Variants in WNT16 observed in about 807,000 individuals in gnomAD.
The protein encoded by WNT16 is protein Wnt-16.
Under a neutral mutation model 35.4 loss-of-function variants are expected in WNT16, and 20 were observed. That is an observed-to-expected ratio of 0.56 (90% confidence interval 0.40 to 0.82). WNT16 has a LOEUF of 0.82. Among genes scored for constraint, WNT16 ranks in the 40% least tolerant of loss-of-function variants. The pLI, the probability that WNT16 is intolerant of heterozygous loss-of-function variation, is 0.00. For missense variants in WNT16, 461 were observed against 466.0 expected (o/e 0.99, Z 0.10); for synonymous variants, 180 against 179.2 (o/e 1.00, Z -0.03).
rs553715876 is a variant in WNT16, at chr7:121,339,856, T to C, written c.*511T>C. ...ACTGTTTGTGTGTGGATAGAAGATG[T>C]TGAAAAGTTAACATAAGCATTGGGT... On this transcript the variant is annotated 3_prime_UTR_variant, in exon 4 of 4. Coordinates refer to ENST00000222462, the MANE Select transcript of WNT16 (RefSeq NM_057168.2). 14 of 171,256 alleles carry C rather than the reference T, an allele frequency of 8.2e-5. No individual in the cohort carries two copies. The East Asian group carries it at 2.2e-3, about 27-fold the overall frequency. The allele number at this position is 171,256 out of a possible 1,614,324, so 10.6% of individuals were successfully genotyped here. A position where few individuals can be genotyped will look rare whatever the true frequency, so the allele number is the denominator to read the frequency against.
chr7:121,338,253 C>G (rs1793470780), intron 3 of WNT16, among the ~76,000 whole-genome samples: 2 of 152,322 alleles, frequency 1.3e-5, no homozygotes, highest in East Asian at 3.9e-4. Context: ...ACCCCACCCC[C>G]TGCCCGACCA....
At chr7:121,328,496 T>TCACC (rs762780947), upstream of WNT16, among the ~76,000 whole-genome samples, 8 of 152,168 alleles carry the variant, frequency 5.3e-5, no homozygotes, top group South Asian at 2.1e-4. Flanking sequence ...TGACAGCACT[T>TCACC]CACCCACTCT....
chr7:121,329,540 AACGCT>A (rs1793302949), intron 1 of WNT16, 22 bp from the exon 2 acceptor site: 5 of 1,611,140 alleles, frequency 3.1e-6, no homozygotes, highest in Admixed American at 1.7e-5. Flanking sequence ...GGAGCGGCTT[AACGCT>A]ACGGGCGGCC....
Position 121,329,186 on chromosome 7 carries a change from G to C in WNT16, c.-107G>C. 1 of 1,437,348 alleles carries C rather than the reference G, an allele frequency of 7.0e-7. No individual in the cohort carries two copies. The allele number at this position is 1,437,348 out of a possible 1,614,324, so 89.0% of individuals were successfully genotyped here. On this transcript the variant is annotated 5_prime_UTR_variant, in exon 1 of 4. Transcript: ENST00000222462. ...TTAATGTTGTATGCAAGGAGGAAGA[G>C]GGCGAGGGATAACTTGGTGCTGGAC...
intron 1 of WNT16, 31 bp from the exon 2 acceptor site, chr7:121,329,536 G>A (rs1793302846): frequency 6.2e-7 from 1 of 1,611,048 alleles, no homozygotes; most frequent in African/African-American, 1.3e-5. Flanking sequence ...TTGGGGAGCG[G>A]CTTAACGCTA....
upstream of WNT16, chr7:121,325,484 G>A (rs1321650546): frequency 6.2e-7 from 1 of 1,610,898 alleles, no homozygotes; most frequent in Non-Finnish European, 8.5e-7. Context: ...CCCTATGGTG[G>A]GTTTTGTTTA....
Position 121,331,718 on chromosome 7 carries a change from A to C in WNT16, c.387A>C (p.Ala129=). Residue 129 remains alanine, a synonymous_variant, in exon 3 of 4, where the codon GCA becomes GCC. Coordinates refer to ENST00000222462, the MANE Select transcript of WNT16 (RefSeq NM_057168.2). ...CATTTATTTATGCTGTGATGGCTGC[A>C]GGCCTGGTGCATTCTGTGACCAGGT... ...ETAFIYAVMA[A]GLVHSVTRSC... is the part of the protein sequence containing the mutation. The C allele has an allele frequency of 6.2e-7, 1 of 1,614,018 alleles. No homozygotes were observed. Among genetic ancestry groups the C allele is most frequent in the Non-Finnish European group, 8.5e-7 (1 of 1,179,876 alleles).
Position 121,340,218 on chromosome 7 carries a change from A to C in WNT16, c.*873A>C, listed in dbSNP as rs528010972. The C allele has an allele frequency of 7.9e-5, 12 of 152,300 alleles. No homozygotes were observed. Among genetic ancestry groups the C allele is most frequent in the African/African-American group, 2.9e-4 (12 of 41,576 alleles). The allele number at this position is 152,300 out of a possible 1,614,324, so 9.4% of individuals were successfully genotyped here. Reference sequence around the variant, plus strand: ...ACAGTGGAGGTAAAAATATAATTTCATACATTGTAAAGAAAAGCACCCTTT... The same window carrying C: ...ACAGTGGAGGTAAAAATATAATTTCCTACATTGTAAAGAAAAGCACCCTTT... On this transcript the variant is annotated 3_prime_UTR_variant, in exon 4 of 4. Transcript: ENST00000222462.
In WNT16 at chr7:121,331,815, G is replaced by A; in HGVS notation, c.484G>A (p.Gly162Ser). The change falls in exon 3 of 4, where the codon GGC becomes AGC. Residue 162 changes from glycine to serine, a missense_variant. Transcript: ENST00000222462. Reference sequence around the variant, plus strand: ...GCAGAACGGCGGCTCAGCAAGTGAAGGCTGGCACTGGGGGGGCTGCTCCGA... The same window carrying A: ...GCAGAACGGCGGCTCAGCAAGTGAAAGCTGGCACTGGGGGGGCTGCTCCGA... ...TLQNGGSASE[G>S]WHWGGCSDDV... 6.2e-7 allele frequency: 1 copy of A among 1,614,220 alleles called. No individual in the cohort carries two copies. Among genetic ancestry groups the A allele is most frequent in the Non-Finnish European group, 8.5e-7 (1 of 1,180,042 alleles).
chr7:121,331,644 G>C, intron 2 of WNT16, 34 bp from the exon 3 acceptor site: 2 of 1,590,088 alleles, frequency 1.3e-6, no homozygotes, highest in Non-Finnish European at 1.7e-6. Context: ...GAAGTTGCCT[G>C]GTTCTCTAAT....
At chr7:121,332,803 CAGTATCTTAAAGATACAGA>C (rs1207159726) in intron 3 of WNT16, among the ~76,000 whole-genome samples, 1 of 152,010 alleles carries the variant, frequency 6.6e-6, no homozygotes, top group Non-Finnish European at 1.5e-5. Flanking sequence ...TTTAAAATAT[CAGTATCTTAAAGATACAGA>C]GGTGGTACAT....
rs746483900 is a variant in WNT16, at chr7:121,331,830, G to A, written c.499G>A (p.Gly167Ser). ...GSASEGWHWG[G>S]CSDDVQYGMW... The stretch of plus-strand genomic sequence containing the variant: ...AGCAAGTGAAGGCTGGCACTGGGGG[G>A]GCTGCTCCGATGATGTCCAGTATGG... The change falls in exon 3 of 4, where the codon GGC (glycine) becomes AGC (serine). Residue 167 changes from glycine (G) to serine (S), a missense_variant. Coordinates refer to ENST00000222462, the MANE Select transcript of WNT16 (RefSeq NM_057168.2). 7 of 1,614,132 alleles carry A rather than the reference G, an allele frequency of 4.3e-6. No individual in the cohort carries two copies. Among genetic ancestry groups the A allele is most frequent in the Middle Eastern group, 1.6e-4 (1 of 6,062 alleles).
chr7:121,331,874 G>A lies in WNT16; in HGVS notation c.543G>A (p.Lys181=). Residue 181 remains lysine, a synonymous_variant, in exon 3 of 4, where the codon AAG becomes AAA. Coordinates refer to ENST00000222462, the MANE Select transcript of WNT16 (RefSeq NM_057168.2). ...AGTATGGCATGTGGTTCAGCAGAAA[G>A]TTCCTAGATTTCCCCATCGGAAACA... is the stretch of plus-strand genomic sequence containing the variant. ...DVQYGMWFSR[K]FLDFPIGNTT... 3 of 1,614,164 alleles carry A rather than the reference G, an allele frequency of 1.9e-6. No individual in the cohort carries two copies. Among genetic ancestry groups the A allele is most frequent in the Non-Finnish European group, 2.5e-6 (3 of 1,180,028 alleles).
chr7:121,332,836 A>T (rs1793375595), intron 3 of WNT16, among the ~76,000 whole-genome samples: 2 of 152,084 alleles, frequency 1.3e-5, no homozygotes, highest in South Asian at 2.1e-4. Context: ...GGTACATTTG[A>T]AGAATTGCTA....
At position 121,339,475 on chromosome 7, in the gene WNT16, A is replaced by ACTCT; in HGVS notation, c.*130_*131insCTCT. ...TGGAATCCCTAGAACCTTGGACCTG[A>ACTCT]GAGTTTCCCTTACCTGATCGACATA... On this transcript the variant is annotated 3_prime_UTR_variant, in exon 4 of 4. Coordinates refer to ENST00000222462, the MANE Select transcript of WNT16 (RefSeq NM_057168.2). The ACTCT allele has an allele frequency of 1.4e-6, 1 of 698,182 alleles. No homozygotes were observed. Among genetic ancestry groups the ACTCT allele is most frequent in the Middle Eastern group, 4.1e-4 (1 of 2,410 alleles). The allele number at this position is 698,182 out of a possible 1,614,324, so 43.2% of individuals were successfully genotyped here.
chr7:121,334,078 C>A (rs1038153848), intron 3 of WNT16, among the ~76,000 whole-genome samples: 1 of 151,848 alleles, frequency 6.6e-6, no homozygotes. Flanking sequence ...AATTTAAATC[C>A]ATTTTTATTG....
chr7:121,329,344 G>T lies in WNT16; in HGVS notation c.52G>T (p.Ala18Ser), dbSNP rs1245905216. 6.2e-7 allele frequency: 1 copy of T among 1,605,156 alleles called. No homozygotes were observed. The highest frequency in any genetic ancestry group is 1.1e-5 in the South Asian group (1 of 89,840). Reference sequence around the variant, plus strand: ...GGCCCGCTTGTGCGCGCTGTGGGCAGCCCTGCTCGTGCTGTTCCCCTACGG... The same window carrying T: ...GGCCCGCTTGTGCGCGCTGTGGGCATCCCTGCTCGTGCTGTTCCCCTACGG... ...GLARLCALWA[A>S]LLVLFPYGAQ... is the part of the protein sequence containing the mutation. The change falls in exon 1 of 4, where the codon GCC becomes TCC. Residue 18 changes from alanine (A) to serine (S), a missense_variant. Coordinates refer to ENST00000222462, the MANE Select transcript of WNT16 (RefSeq NM_057168.2).
At chr7:121,327,844 C>G (rs1793267494), upstream of WNT16, among the ~76,000 whole-genome samples, 1 of 152,202 alleles carries the variant, frequency 6.6e-6, no homozygotes, top group South Asian at 2.1e-4. Context: ...TCAGATAACT[C>G]TCGGAGACCT....
At chr7:121,334,745 C>T (rs1283018360) in intron 3 of WNT16, among the ~76,000 whole-genome samples, 3 of 152,020 alleles carry the variant, frequency 2.0e-5, no homozygotes, top group Admixed American at 6.6e-5. Flanking sequence ...ATAATGTTGC[C>T]GAATGATGAT....
Sources: gnomAD v4.1 joint callset for allele counts (sites outside exome capture counted in the v4.1 genomes callset) on GRCh38, gnomAD v4.1.1 for gene constraint, MANE v1.5 for transcripts, NCBI Gene and HGNC (gene_info 2026-07-23, HGNC 2026-07-21) for gene names.